NAALADL2: variants seen among roughly 807,000 people sequenced by gnomAD.
NAALADL2 encodes N-acetylated alpha-linked acidic dipeptidase like 2, also known as inactive N-acetylated-alpha-linked acidic dipeptidase-like protein 2.
A neutral mutation model predicts 87.2 loss-of-function variants in NAALADL2; 76 were observed. The observed-to-expected ratio is 0.87, with a 90% confidence interval of 0.72 to 1.05. The LOEUF is 1.05. NAALADL2 is among the 50% of genes least tolerant of loss of function. NAALADL2 has a pLI of 0.00. For missense variants in NAALADL2, 1,089 were observed against 945.8 expected (o/e 1.15, Z -1.99); for synonymous variants, 354 against 331.0 (o/e 1.07, Z -0.75).
chr3:174,732,241 A>G (rs572786), intron 2 of NAALADL2, among the ~76,000 whole-genome samples: 31,310 of 152,120 alleles, frequency 0.21, 4,000 homozygotes, highest in Non-Finnish European at 0.3. Flanking sequence ...AGTAGAGTTC[A>G]GTGTAATATA....
rs1022445981 is a variant in NAALADL2 at position 175,687,854 on chromosome 3, G to A, written c.1897-49452G>A. Among the ~76,000 whole-genome samples the A allele has an allele frequency of 3.3e-5, 5 of 151,902 alleles. No homozygotes were observed. The South Asian group carries it at 6.2e-4, about 19-fold the overall frequency. ...CCCCACCTTTCTCTTGTTTCTGCTT[G>A]CCATGTGATGCACCTGTTCCCCCTT... On this transcript the variant is annotated intron_variant, in intron 11 of 13. Coordinates refer to ENST00000454872, the MANE Select transcript of NAALADL2 (RefSeq NM_207015.3).
chr3:174,817,633 A>T (rs1463567522), intron 3 of NAALADL2, among the ~76,000 whole-genome samples: 1 of 152,186 alleles, frequency 6.6e-6, no homozygotes, highest in East Asian at 1.9e-4. Context: ...AAAATTTAAA[A>T]GCTCTTTAAA....
At chr3:174,572,854 A>G (rs1321032867) in intron 2 of NAALADL2, among the ~76,000 whole-genome samples, 1 of 152,222 alleles carries the variant, frequency 6.6e-6, no homozygotes, top group Admixed American at 6.5e-5. Flanking sequence ...GAATGCAAGG[A>G]ACTTTTCTGT....
chr3:175,586,748 T>C (rs1720592127), intron 10 of NAALADL2, among the ~76,000 whole-genome samples: 1 of 152,240 alleles, frequency 6.6e-6, no homozygotes, highest in Admixed American at 6.5e-5. Context: ...ATTTTACATA[T>C]ACTACATGCT....
chr3:175,733,463 A>G (rs372587695), intron 11 of NAALADL2, among the ~76,000 whole-genome samples: 1 of 152,198 alleles, frequency 6.6e-6, no homozygotes, highest in African/African-American at 2.4e-5. Context: ...ACCCGCTCCC[A>G]TGATTCAATC....
chr3:175,277,596 C>T (rs1371908464), intron 4 of NAALADL2, among the ~76,000 whole-genome samples: 1 of 152,074 alleles, frequency 6.6e-6, no homozygotes, highest in Admixed American at 6.6e-5. Context: ...TTTATCTTTT[C>T]TTAACATAAA....
chr3:175,620,022 C>T (rs762329721), intron 10 of NAALADL2, among the ~76,000 whole-genome samples: 4 of 151,440 alleles, frequency 2.6e-5, no homozygotes, highest in Non-Finnish European at 4.4e-5. Flanking sequence ...ATGGCAGGCA[C>T]GCTACTCACT....
At chr3:175,711,801 C>T (rs1429663352) in intron 11 of NAALADL2, among the ~76,000 whole-genome samples, 1 of 151,222 alleles carries the variant, frequency 6.6e-6, no homozygotes, top group Non-Finnish European at 1.5e-5. Context: ...ATGTTATATA[C>T]TTATTTGTTA....
chr3:175,655,462 T>C (rs1179811190), intron 11 of NAALADL2: 2 of 377,278 alleles, frequency 5.3e-6, no homozygotes, highest in African/African-American at 4.3e-5. Flanking sequence ...AATGTGTTTG[T>C]GTTTTTCTTC....
intron 1 of NAALADL2, chr3:174,459,241 G>A (rs984089997): frequency 7.9e-5 from 12 of 151,894 alleles, no homozygotes; most frequent in African/African-American, 2.9e-4. Context: ...AACTTTACAG[G>A]TCCATGAAAT....
intron 4 of NAALADL2, among the ~76,000 whole-genome samples, chr3:175,317,018 G>C (rs978787879): frequency 6.6e-6 from 1 of 152,162 alleles, no homozygotes; most frequent in Non-Finnish European, 1.5e-5. Context: ...CAGTGGAAGA[G>C]GGAGCTAAAT....
intron 1 of NAALADL2, among the ~76,000 whole-genome samples, chr3:174,496,607 T>C (rs1286543369): frequency 6.6e-6 from 1 of 151,358 alleles, no homozygotes; most frequent in Non-Finnish European, 1.5e-5. Context: ...GTTGGAATTA[T>C]TACTCTTTTA....
At chr3:175,763,259 G>A (rs1261336358) in intron 13 of NAALADL2, among the ~76,000 whole-genome samples, 1 of 152,016 alleles carries the variant, frequency 6.6e-6, no homozygotes, top group Non-Finnish European at 1.5e-5. Flanking sequence ...GTCTTCTGGG[G>A]CATATTCTCC....
At chr3:175,794,384 GA>G (rs5854657) in intron 13 of NAALADL2, among the ~76,000 whole-genome samples, 64,680 of 148,932 alleles carry the variant, frequency 0.43, 17,484 homozygotes, top group African/African-American at 0.78. Context: ...AATGAGTGTG[GA>G]AAAAAAAAAA....
At chr3:174,696,069 A>G (rs887037770) in intron 2 of NAALADL2, among the ~76,000 whole-genome samples, 5 of 152,032 alleles carry the variant, frequency 3.3e-5, no homozygotes, top group Non-Finnish European at 7.4e-5. Flanking sequence ...CCCAATCCCG[A>G]TAATCACATT....
intron 2 of NAALADL2, among the ~76,000 whole-genome samples, chr3:174,673,895 AT>A (rs1373859747): frequency 1.3e-5 from 2 of 152,018 alleles, no homozygotes; most frequent in Non-Finnish European, 2.9e-5. Flanking sequence ...GTATGCATGT[AT>A]CAAAATATCA....
At chr3:174,545,502 T>C (rs753646732) in intron 1 of NAALADL2, among the ~76,000 whole-genome samples, 1 of 152,222 alleles carries the variant, frequency 6.6e-6, no homozygotes, top group Non-Finnish European at 1.5e-5. Flanking sequence ...GGCAGCTGCT[T>C]CTCAGAACTT....
intron 1 of NAALADL2, among the ~76,000 whole-genome samples, chr3:174,911,888 G>A (rs1029473073): frequency 1.3e-5 from 2 of 152,064 alleles, no homozygotes; most frequent in Admixed American, 6.6e-5. Flanking sequence ...TTGTTAAAAT[G>A]TGTTTTTAAC....
chr3:175,141,160 T>C (rs910937036), intron 2 of NAALADL2, among the ~76,000 whole-genome samples: 3 of 152,134 alleles, frequency 2.0e-5, no homozygotes, highest in Admixed American at 2.0e-4. Context: ...CTTCCTGTTG[T>C]TAGCTCAGTC....
Sources: gnomAD v4.1 joint callset for allele counts (sites outside exome capture counted in the v4.1 genomes callset) on GRCh38, gnomAD v4.1.1 for gene constraint, MANE v1.5 for transcripts, NCBI Gene and HGNC (gene_info 2026-07-23, HGNC 2026-07-21) for gene names.